The following TPRG1 variants were observed in gnomAD, a reference collection of about 807,000 sequenced individuals.
The protein encoded by TPRG1 is tumor protein p63-regulated gene 1 protein.
In TPRG1, 29 loss-of-function variants were observed where a neutral mutation model predicts 29.3. The ratio of observed to expected loss-of-function variants is 0.99; its 90% CI spans 0.74 to 1.35. The LOEUF is 1.35. TPRG1 is among the 40% of genes most tolerant of loss of function. TPRG1 has a pLI of 0.00. For missense variants in TPRG1, 327 were observed against 335.0 expected, an observed-to-expected ratio of 0.98 and a Z score of 0.19; for synonymous variants, 130 against 116.8, an observed-to-expected ratio of 1.11 and a Z score of -0.73.
At chr3:189,087,199 C>A (rs1718004648) in intron 4 of TPRG1, among the ~76,000 whole-genome samples, 1 of 152,196 alleles carries the variant, frequency 6.6e-6, no homozygotes, top group Non-Finnish European at 1.5e-5. Flanking sequence ...GATCGCCATT[C>A]TAACTGGTGT....
At chr3:189,006,893 C>A (rs1225771961) in intron 3 of TPRG1, among the ~76,000 whole-genome samples, 1 of 151,990 alleles carries the variant, frequency 6.6e-6, no homozygotes, top group Non-Finnish European at 1.5e-5. Context: ...GACCGCATGG[C>A]CTGCAAAATT....
At chr3:189,170,512 G>A (rs568016077), upstream of TPRG1, among the ~76,000 whole-genome samples, 1 of 152,276 alleles carries the variant, frequency 6.6e-6, no homozygotes, top group East Asian at 1.9e-4. Context: ...TACTTGTTAG[G>A]ATCCTGTCTG....
At position 189,206,808 on chromosome 3, in the gene TPRG1, C is replaced by CATGTGTGTGTGTGT. The variant is rs1553922310; in HGVS notation, c.-9-568_-9-567insATGTGTGTGTGTGT. Among the ~76,000 whole-genome samples the CATGTGTGTGTGTGT allele has an allele frequency of 2.7e-5, 4 of 147,730 alleles. No homozygotes were observed. In the East Asian group the frequency reaches 8.0e-4, roughly 30 times the overall value. On this transcript the variant is annotated intron_variant, in intron 1 of 5. Coordinates refer to ENST00000345063, the MANE Select transcript of TPRG1 (RefSeq NM_198485.4). ...GAGTCACCATGCCCAGCTGAACAAC[C>CATGTGTGTGTGTGT]GTGTGTGTGTGTGTGTGTGTGCACG... is the stretch of plus-strand genomic sequence containing the variant.
chr3:189,123,700 G>C (rs1012565191), intron 1 of TPRG1: 1 of 152,158 alleles, frequency 6.6e-6, no homozygotes, highest in Admixed American at 6.5e-5. Context: ...GCATTTATAA[G>C]GTACAACATT....
Position 189,304,943 on chromosome 3 carries a change from G to A in TPRG1, c.480-5443G>A, listed in dbSNP as rs115237683. Among the ~76,000 whole-genome samples the A allele has an allele frequency of 2.9e-3, 439 of 152,196 alleles. 4 individuals carry two copies. The highest frequency in any genetic ancestry group is 0.01 in the African/African-American group (419 of 41,534). ...CCATACTTACAAGCACACGCCCTGC[G>A]TTTAGAGCAAGAGTTAATGTCTGTG... On this transcript the variant is annotated intron_variant, in intron 4 of 5. Coordinates refer to ENST00000345063, the MANE Select transcript of TPRG1 (RefSeq NM_198485.4).
At chr3:189,252,930 G>A (rs997582224) in intron 4 of TPRG1, among the ~76,000 whole-genome samples, 7 of 151,940 alleles carry the variant, frequency 4.6e-5, no homozygotes, top group East Asian at 1.9e-4. Context: ...ATTAAAAACC[G>A]GAGACTATTT....
chr3:189,256,700 G>A (rs1000708500), intron 4 of TPRG1, among the ~76,000 whole-genome samples: 1 of 152,160 alleles, frequency 6.6e-6, no homozygotes, highest in Non-Finnish European at 1.5e-5. Flanking sequence ...TGTATTGGGT[G>A]CATATATATT....
intron 4 of TPRG1, among the ~76,000 whole-genome samples, chr3:189,275,952 G>A (rs910884403): frequency 1.3e-5 from 2 of 152,152 alleles, no homozygotes; most frequent in Non-Finnish European, 2.9e-5. Context: ...CATAAGTATT[G>A]TAGGGATATC....
intron 4 of TPRG1, among the ~76,000 whole-genome samples, chr3:189,087,409 C>G (rs544470633): frequency 2.3e-4 from 35 of 152,220 alleles, no homozygotes; most frequent in Non-Finnish European, 4.4e-4. Flanking sequence ...GATATTAGCC[C>G]TTTGTCAGAT....
At chr3:189,021,819 C>T (rs1014549077) in intron 3 of TPRG1, among the ~76,000 whole-genome samples, 1 of 152,172 alleles carries the variant, frequency 6.6e-6, no homozygotes, top group African/African-American at 2.4e-5. Flanking sequence ...TAATATCCTG[C>T]AGAGTGTTTT....
intron 1 of TPRG1, among the ~76,000 whole-genome samples, chr3:189,178,362 C>T (rs1269267508): frequency 6.6e-6 from 1 of 152,134 alleles, no homozygotes; most frequent in African/African-American, 2.4e-5. Context: ...AACCCCGTCT[C>T]TACTAAAAAT....
chr3:189,310,307 C>G, intron 4 of TPRG1, 79 bp from the exon 5 acceptor site: 1 of 1,268,550 alleles, frequency 7.9e-7, no homozygotes, highest in South Asian at 2.0e-5. Context: ...AATATGAAGG[C>G]TGACTGATGT....
chr3:189,291,812 C>T (rs1232467724), intron 4 of TPRG1, among the ~76,000 whole-genome samples: 1 of 152,298 alleles, frequency 6.6e-6, no homozygotes, highest in South Asian at 2.1e-4. Context: ...AACACTGACA[C>T]ACCAATTGGG....
At chr3:189,312,085 CTT>C (rs1410715460) in intron 5 of TPRG1, among the ~76,000 whole-genome samples, 1 of 98,754 alleles carries the variant, frequency 1.0e-5, no homozygotes, top group East Asian at 2.1e-4. Flanking sequence ...CTTTATGTTT[CTT>C]TCTTTCTTTG....
intron 2 of TPRG1, among the ~76,000 whole-genome samples, chr3:189,002,879 AT>A (rs760284198): frequency 6.6e-6 from 1 of 152,036 alleles, no homozygotes; most frequent in Non-Finnish European, 1.5e-5. Flanking sequence ...CACCTTACTT[AT>A]TTTTTAAGCA....
At chr3:189,160,648 G>C (rs531525259) in intron 5 of TPRG1, among the ~76,000 whole-genome samples, 2 of 152,134 alleles carry the variant, frequency 1.3e-5, no homozygotes, top group East Asian at 1.9e-4. Context: ...GCTTGGTGGC[G>C]GCTACAGGAA....
At chr3:189,249,379 C>T (rs187877281) in intron 4 of TPRG1, among the ~76,000 whole-genome samples, 1 of 151,684 alleles carries the variant, frequency 6.6e-6, no homozygotes, top group Non-Finnish European at 1.5e-5. Flanking sequence ...TATTGCAACC[C>T]TTACATTCTT....
chr3:189,128,621 C>G (rs1246557005), intron 2 of TPRG1, among the ~76,000 whole-genome samples: 1 of 152,120 alleles, frequency 6.6e-6, no homozygotes, highest in Non-Finnish European at 1.5e-5. Context: ...TGTTCCTTAT[C>G]TCATTTTGAC....
chr3:189,192,089 A>G (rs1578746457), intron 1 of TPRG1, among the ~76,000 whole-genome samples: 1 of 152,218 alleles, frequency 6.6e-6, no homozygotes, highest in African/African-American at 2.4e-5. Context: ...GTCATAGGCA[A>G]TAACTAAATA....
Sources: allele counts gnomAD v4.1 joint callset (sites outside exome capture counted in the v4.1 genomes callset), GRCh38; gene constraint gnomAD v4.1.1; transcripts MANE v1.5; gene names NCBI Gene and HGNC (gene_info 2026-07-23, HGNC 2026-07-21).